TMEM107: variants seen among roughly 807,000 people sequenced by gnomAD.
TMEM107 encodes the protein transmembrane protein 107.
TMEM107 carries 18 observed loss-of-function variants against 16.8 expected under a neutral mutation model. The ratio of observed to expected loss-of-function variants is 1.07; its 90% CI spans 0.74 to 1.59. The LOEUF (loss-of-function observed/expected upper bound fraction) is 1.59, where lower values mean the gene tolerates loss of function less well. TMEM107 is among the 40% of genes most tolerant of loss of function. The pLI, the probability that TMEM107 is intolerant of heterozygous loss-of-function variation, is 0.00. For synonymous variants in TMEM107, 68 were observed against 71.6 expected, an observed-to-expected ratio of 0.95 and a Z score of 0.25; for missense variants, 152 against 175.4, an observed-to-expected ratio of 0.87 and a Z score of 0.75.
At chr17:8,175,485 T>G (rs553670158) in intron 3 of TMEM107, 1 of 606,588 alleles carries the variant, frequency 1.6e-6, no homozygotes, top group Non-Finnish European at 2.9e-6. Flanking sequence ...ATTCCTATTA[T>G]TTTTGTAGAC....
In TMEM107 at chr17:8,172,953, GGAA is replaced by G. The variant is rs538926265; in HGVS notation, c.*1247_*1249del. On this transcript the variant is annotated 3_prime_UTR_variant, in exon 5 of 5. Coordinates refer to ENST00000437139, the MANE Select transcript of TMEM107 (RefSeq NM_183065.4). ...AGTCTGAAAAGTGACTCTGGATTTG[GGAA>G]GAAGTCATTGGTGATGATGAGTTTC... is the stretch of plus-strand genomic sequence containing the variant. Among the ~76,000 whole-genome samples the G allele has an allele frequency of 1.1e-4, 16 of 151,890 alleles. No homozygotes were observed. In the South Asian group the frequency reaches 3.1e-3, roughly 30 times the overall value.
At position 8,173,717 on chromosome 17, in the gene TMEM107, C is replaced by T. The variant is rs567524252; in HGVS notation, c.*486G>A. 1.4e-5 allele frequency: 8 copies of T among 568,624 alleles called. No individual in the cohort carries two copies. Among genetic ancestry groups the T allele is most frequent in the Non-Finnish European group, 1.6e-5 (5 of 319,164 alleles). 35.2% of individuals were successfully genotyped at this position (568,624 alleles called of 1,614,324 possible). A position where few individuals can be genotyped will look rare whatever the true frequency, so the allele number is the denominator to read the frequency against. ...TTCCAGTTGTTTTGCCATATTAGCT[C>T]GCACATTTTTTTAAATTTTTTTTTC... On this transcript the variant is annotated 3_prime_UTR_variant, in exon 5 of 5. Transcript: ENST00000437139.
chr17:8,174,127 G>A lies in TMEM107; in HGVS notation c.*76C>T. On this transcript the variant is annotated 3_prime_UTR_variant, in exon 5 of 5. Transcript: ENST00000437139. The stretch of plus-strand genomic sequence containing the variant: ...TTCCGAGGGGAAAACCGAAGCCTAT[G>A]CCTTCCTTCTTCCAGGAATACGAAG... The A allele has an allele frequency of 7.5e-7, 1 of 1,334,096 alleles. No homozygotes were observed. Among genetic ancestry groups the A allele is most frequent in the Non-Finnish European group, 1.1e-6 (1 of 926,082 alleles). The allele number at this position is 1,334,096 out of a possible 1,614,324, so 82.6% of individuals were successfully genotyped here. A position where few individuals can be genotyped will look rare whatever the true frequency, so the allele number is the denominator to read the frequency against.
At position 8,173,433 on chromosome 17, in the gene TMEM107, T is replaced by G. The variant is rs143573551; in HGVS notation, c.*770A>C. The G allele has an allele frequency of 2.9e-5, 22 of 760,348 alleles. No homozygotes were observed. Among genetic ancestry groups the G allele is most frequent in the East Asian group, 2.2e-4 (9 of 41,114 alleles). 47.1% of individuals were successfully genotyped at this position (760,348 alleles called of 1,614,324 possible). On this transcript the variant is annotated 3_prime_UTR_variant, in exon 5 of 5. Transcript: ENST00000437139. ...TATCTGCTAATCAGCATAACACAAATGTAAGTGATCGTCAGAAAGAATCAG... is the reference window on the plus strand; with the variant it reads ...TATCTGCTAATCAGCATAACACAAAGGTAAGTGATCGTCAGAAAGAATCAG...
chr17:8,175,076 T>C (rs547520096), intron 3 of TMEM107: 1 of 184,716 alleles, frequency 5.4e-6, no homozygotes, highest in South Asian at 8.9e-5. Flanking sequence ...ATATCTTTTG[T>C]TTGTTTTTTG....
Position 8,173,740 on chromosome 17 carries a change from TTC to T in TMEM107, c.*461_*462del. ...CTCGCACATTTTTTTAAATTTTTTT[TTC>T]ATTCGGCTGCCGAAAAGGAATAAAT... On this transcript the variant is annotated 3_prime_UTR_variant, in exon 5 of 5. Coordinates refer to ENST00000437139, the MANE Select transcript of TMEM107 (RefSeq NM_183065.4). The T allele has an allele frequency of 1.8e-6, 1 of 560,654 alleles. No individual in the cohort carries two copies. The highest frequency in any genetic ancestry group is 3.2e-6 in the Non-Finnish European group (1 of 315,468). 34.7% of individuals were successfully genotyped at this position (560,654 alleles called of 1,614,324 possible).
At chr17:8,174,664 G>C (rs200123500) in intron 3 of TMEM107, 48 bp from the exon 4 acceptor site, 1 of 1,554,458 alleles carries the variant, frequency 6.4e-7, no homozygotes, top group South Asian at 1.1e-5. Context: ...GACAGACAGT[G>C]ATGGGTCAGA....
rs749918781 is a variant in TMEM107 at position 8,175,692 on chromosome 17, G to C, written c.256+65C>G. 29 of 1,274,778 alleles carry C rather than the reference G, an allele frequency of 2.3e-5. No homozygotes were observed. The African/African-American group carries it at 2.6e-4, about 12-fold the overall frequency. The allele number at this position is 1,274,778 out of a possible 1,614,324, so 79.0% of individuals were successfully genotyped here. On this transcript the variant is annotated intron_variant, in intron 3 of 4. Transcript: ENST00000437139. ...GGCTACAGCAGACACTATTGTGTCA[G>C]GTGGCTGAAGGGAGTCCTGATAGAA...
At chr17:8,175,544 G>T in intron 3 of TMEM107, 1 of 654,512 alleles carries the variant, frequency 1.5e-6, no homozygotes, top group Non-Finnish European at 2.8e-6. Flanking sequence ...ACAGTGCTGG[G>T]ATTACAGACG....
chr17:8,173,599 A>ATG lies in TMEM107; in HGVS notation c.*603_*604insCA. On this transcript the variant is annotated 3_prime_UTR_variant, in exon 5 of 5. Transcript: ENST00000437139. ...ATCCCACCTGACGATACAGACAAACAGCCGACATTCTGCACTCAGTGAAAA... is the reference window on the plus strand; with the variant it reads ...ATCCCACCTGACGATACAGACAAACATGGCCGACATTCTGCACTCAGTGAAAA... 1.3e-6 allele frequency: 1 copy of ATG among 759,228 alleles called. No homozygotes were observed. Among genetic ancestry groups the ATG allele is most frequent in the South Asian group, 1.3e-5 (1 of 74,242 alleles). 47.0% of individuals were successfully genotyped at this position (759,228 alleles called of 1,614,324 possible).
intron 1 of TMEM107, 68 bp from the exon 2 acceptor site, chr17:8,176,094 G>A (rs749715900): frequency 1.3e-5 from 21 of 1,609,702 alleles, no homozygotes; most frequent in East Asian, 4.5e-5. Flanking sequence ...GGGGCGGCGG[G>A]AAACAAGAAA....
chr17:8,175,696 GCTGA>G (rs1984071208), intron 3 of TMEM107, 57 bp downstream of exon 3: 1 of 1,321,896 alleles, frequency 7.6e-7, no homozygotes, highest in Non-Finnish European at 1.1e-6. Flanking sequence ...GTGTCAGGTG[GCTGA>G]AGGGAGTCCT....
chr17:8,175,736 G>A lies in TMEM107; in HGVS notation c.256+21C>T, dbSNP rs775899892. 5.0e-6 allele frequency: 8 copies of A among 1,602,312 alleles called. No homozygotes were observed. In the Admixed American group the frequency reaches 6.7e-5, roughly 13 times the overall value. On this transcript the variant is annotated intron_variant, in intron 3 of 4. Transcript: ENST00000437139. ...GATAGAAGTGGGTCGTGTGGGAAAG[G>A]TGGGCAGGCAGAAAGGATACAGATG...
chr17:8,173,526 A>G lies in TMEM107; in HGVS notation c.*677T>C, dbSNP rs752572914. ...CGTTAATCACGTTTCATGCATCTCC[A>G]ATCATCATGTTCTAATCTGCCCTCC... On this transcript the variant is annotated 3_prime_UTR_variant, in exon 5 of 5. Transcript: ENST00000437139. 7.8e-6 allele frequency: 6 copies of G among 765,428 alleles called. No individual in the cohort carries two copies. Among genetic ancestry groups the G allele is most frequent in the East Asian group, 4.8e-5 (2 of 41,248 alleles). 47.4% of individuals were successfully genotyped at this position (765,428 alleles called of 1,614,324 possible). A position where few individuals can be genotyped will look rare whatever the true frequency, so the allele number is the denominator to read the frequency against.
Position 8,175,780 on chromosome 17 carries a change from A to G in TMEM107, c.233T>C (p.Phe78Ser), listed in dbSNP as rs1984078495. 2 of 1,614,052 alleles carry G rather than the reference A, an allele frequency of 1.2e-6. No individual in the cohort carries two copies. Among genetic ancestry groups the G allele is most frequent in the African/African-American group, 1.3e-5 (1 of 74,928 alleles). Residue 78 changes from phenylalanine (F) to serine (S), a missense_variant, in exon 3 of 5, where the codon TTC (phenylalanine) becomes TCC (serine). Phe to Ser is a radical substitution (Grantham distance 155). Coordinates refer to ENST00000437139, the MANE Select transcript of TMEM107 (RefSeq NM_183065.4). ...LAGFLSGVSMFNSTQSLISIG... is the reference protein window; with the variant it reads ...LAGFLSGVSMSNSTQSLISIG... ...ACAGATGAGGCTCTGGGTGCTGTTG[A>G]ACATGGAGACTCCTGAGAGGAAACC...
In TMEM107 at chr17:8,173,372, T is replaced by C. The variant is rs529968904; in HGVS notation, c.*831A>G. 11 of 662,956 alleles carry C rather than the reference T, an allele frequency of 1.7e-5. No individual in the cohort carries two copies. Among genetic ancestry groups the C allele is most frequent in the Middle Eastern group, 4.1e-4 (1 of 2,454 alleles). 41.1% of individuals were successfully genotyped at this position (662,956 alleles called of 1,614,324 possible). On this transcript the variant is annotated 3_prime_UTR_variant, in exon 5 of 5. Transcript: ENST00000437139. ...ACTGCAAAATAGACAAACAGCAAGG[T>C]TATCCCAGTCAGAACTTCATAGCTA...
chr17:8,173,562 C>CG lies in TMEM107; in HGVS notation c.*640_*641insC, dbSNP rs758927280. The CG allele has an allele frequency of 9.1e-6, 7 of 765,310 alleles. No individual in the cohort carries two copies. The Admixed American group carries it at 1.0e-4, about 11-fold the overall frequency. The allele number at this position is 765,310 out of a possible 1,614,324, so 47.4% of individuals were successfully genotyped here. A position where few individuals can be genotyped will look rare whatever the true frequency, so the allele number is the denominator to read the frequency against. ...TCTAATCTGCCCTCCGGAGGAGGAA[C>CG]AGGTAAGGATTATCCCACCTGACGA... On this transcript the variant is annotated 3_prime_UTR_variant, in exon 5 of 5. Transcript: ENST00000437139.
At chr17:8,175,393 A>C in intron 3 of TMEM107, 1 of 474,190 alleles carries the variant, frequency 2.1e-6, no homozygotes, top group South Asian at 2.2e-5. Context: ...ACACACTTCT[A>C]TAGCACAGTG....
chr17:8,174,424 ATC>A lies in TMEM107; in HGVS notation c.353+94_353+95del, dbSNP rs2151449157. 6.6e-6 allele frequency: 9 copies of A among 1,353,816 alleles called. No individual in the cohort carries two copies. The South Asian group carries it at 1.1e-4, about 16-fold the overall frequency. 83.9% of individuals were successfully genotyped at this position (1,353,816 alleles called of 1,614,324 possible). ...CTACAGGATGTTGAGTGGATCTGGT[ATC>A]TCACACATGGAGGAAAGGGCTGGGT... On this transcript the variant is annotated intron_variant, in intron 4 of 4. Coordinates refer to ENST00000437139, the MANE Select transcript of TMEM107 (RefSeq NM_183065.4).
Sources: allele counts gnomAD v4.1 joint callset (sites outside exome capture counted in the v4.1 genomes callset), GRCh38; gene constraint gnomAD v4.1.1; transcripts MANE v1.5; gene names NCBI Gene and HGNC (gene_info 2026-07-23, HGNC 2026-07-21).